DNAH2: variants seen among roughly 807,000 people sequenced by gnomAD.
DNAH2 encodes dynein axonemal heavy chain 2.
DNAH2 carries 323 observed loss-of-function variants against 523.5 expected under a neutral mutation model. The ratio of observed to expected loss-of-function variants is 0.62; its 90% CI spans 0.56 to 0.68. The LOEUF (loss-of-function observed/expected upper bound fraction) is 0.68. DNAH2 is among the 30% of genes least tolerant of loss of function. The probability of loss-of-function intolerance (pLI) is 0.00; values close to 1 mark genes in which losing one functional copy is unlikely to be tolerated. For missense variants in DNAH2, 4,907 were observed against 5,701.5 expected (o/e 0.86, Z 4.49); for synonymous variants, 2,093 against 2,177.4 (o/e 0.96, Z 1.08).
At chr17:7,830,200 C>T in intron 77 of DNAH2, 100 bp from the exon 78 acceptor site, 1 of 1,311,792 alleles carries the variant, frequency 7.6e-7, no homozygotes, top group Admixed American at 2.2e-5. Context: ...CAGCCAGTGC[C>T]TTTGTGCAAT....
At chr17:7,726,622 C>T (rs2074821122) in intron 3 of DNAH2, among the ~76,000 whole-genome samples, 1 of 152,048 alleles carries the variant, frequency 6.6e-6, no homozygotes, top group South Asian at 2.1e-4. Context: ...GTTTTTGTGT[C>T]TTTTTCCCTC....
In DNAH2 at chr17:7,780,354, T is replaced by G; in HGVS notation, c.5850+70T>G. 3 of 1,599,708 alleles carry G rather than the reference T, an allele frequency of 1.9e-6. No individual in the cohort carries two copies. Among genetic ancestry groups the G allele is most frequent in the Non-Finnish European group, 2.6e-6 (3 of 1,171,932 alleles). On this transcript the variant is annotated intron_variant, in intron 37 of 85. Transcript: ENST00000572933. The surrounding 1 kb of genome is among the most constrained non-coding windows in gnomAD (Gnocchi z 4.4). Reference sequence around the variant, plus strand: ...ATAATTATTCCCTGGACAGAGGAGCTCCCCAAGGGCCTCACAATCAGCTTA... The same window carrying G: ...ATAATTATTCCCTGGACAGAGGAGCGCCCCAAGGGCCTCACAATCAGCTTA...
At chr17:7,741,889 C>T (rs1319082422) in intron 11 of DNAH2, among the ~76,000 whole-genome samples, 2 of 145,942 alleles carry the variant, frequency 1.4e-5, no homozygotes, top group Non-Finnish European at 3.0e-5. Flanking sequence ...TCTCGAACTC[C>T]CGACCTCAGG....
intron 77 of DNAH2, among the ~76,000 whole-genome samples, chr17:7,829,552 C>A (rs932890665): frequency 5.3e-5 from 8 of 152,218 alleles, no homozygotes; most frequent in Admixed American, 4.6e-4. Context: ...ATGCCAATCA[C>A]ATAGACTGTT....
In DNAH2 at chr17:7,759,025, G is replaced by A; in HGVS notation, c.2349G>A (p.Glu783=). 1.4e-5 allele frequency: 23 copies of A among 1,614,174 alleles called. No homozygotes were observed. Among genetic ancestry groups the A allele is most frequent in the Non-Finnish European group, 1.9e-5 (23 of 1,180,030 alleles). The part of the protein sequence containing the change: ...RDLEFEEDQR[E]HRAAVQQKLM... ...TGGAATTTGAAGAGGACCAAAGAGA[G>A]CATCGGGCAGCTGTACAGCAGAAAT... is the stretch of plus-strand genomic sequence containing the variant. Residue 783 remains glutamate, a synonymous_variant, in exon 15 of 86, where the codon GAG becomes GAA. Coordinates refer to ENST00000572933, the MANE Select transcript of DNAH2 (RefSeq NM_020877.5).
intron 4 of DNAH2, among the ~76,000 whole-genome samples, chr17:7,731,473 A>AAT (rs1379464522): frequency 5.9e-5 from 9 of 152,084 alleles, no homozygotes; most frequent in Non-Finnish European, 7.4e-5. Context: ...CTTAAATTCA[A>AAT]GTAAAATTAA....
In DNAH2 at chr17:7,818,121, C is replaced by T. The variant is rs1329251557; in HGVS notation, c.10387+25C>T. ...GGTCAGGACAAGTCCCCAAGACCAG[C>T]CAAGTGGGATGCTAGGGAGGGAAGG... is the stretch of plus-strand genomic sequence containing the variant. On this transcript the variant is annotated intron_variant, in intron 68 of 85. Transcript: ENST00000572933. 4 of 1,608,702 alleles carry T rather than the reference C, an allele frequency of 2.5e-6. No individual in the cohort carries two copies. The Admixed American group carries it at 5.0e-5, about 20-fold the overall frequency.
Position 7,719,752 on chromosome 17 carries a change from G to A in DNAH2, c.18G>A (p.Glu6=). 1 of 1,614,230 alleles carries A rather than the reference G, an allele frequency of 6.2e-7. No homozygotes were observed. The highest frequency in any genetic ancestry group is 8.5e-7 in the Non-Finnish European group (1 of 1,180,044). The change falls in exon 2 of 86, where the codon GAG becomes GAA. Residue 6 remains glutamate (E), a synonymous_variant. Coordinates refer to ENST00000572933, the MANE Select transcript of DNAH2 (RefSeq NM_020877.5). MSSKA[E]KKQRLSGRGS... is the part of the protein sequence containing the mutation. ...CCTGCACGATGTCCAGCAAAGCTGA[G>A]AAGAAGCAGCGATTGAGTGGCCGAG...
Position 7,797,581 on chromosome 17 carries a change from G to A in DNAH2, c.8080+51G>A, listed in dbSNP as rs759331548. 2.5e-6 allele frequency: 4 copies of A among 1,614,008 alleles called. No individual in the cohort carries two copies. In the South Asian group the frequency reaches 4.4e-5, roughly 18 times the overall value. On this transcript the variant is annotated intron_variant, in intron 52 of 85. Coordinates refer to ENST00000572933, the MANE Select transcript of DNAH2 (RefSeq NM_020877.5). ...GGGCTTGACACTCTTAGAACATCGG[G>A]GCTAGAAGGAGTCAGGGCATGGGGT...
chr17:7,801,836 TC>T (rs2077232855), intron 57 of DNAH2, 41 bp from the exon 58 acceptor site: 4 of 1,613,436 alleles, frequency 2.5e-6, no homozygotes, highest in East Asian at 2.2e-5. Flanking sequence ...CTCTCCCACT[TC>T]CGTTTCCATC....
chr17:7,828,205 C>A lies in DNAH2; in HGVS notation c.11854-2095C>A, dbSNP rs1009972478. On this transcript the variant is annotated intron_variant, in intron 77 of 85. Coordinates refer to ENST00000572933, the MANE Select transcript of DNAH2 (RefSeq NM_020877.5). This position sits in a 1 kb window ranked among gnomAD's most constrained non-coding sequence, Gnocchi z 4.1. ...AACTGCTGGGATTACAGGTGTAACCCACAGTGCCATGCTGATATACTTTAG... is the reference window on the plus strand; with the variant it reads ...AACTGCTGGGATTACAGGTGTAACCAACAGTGCCATGCTGATATACTTTAG... 1.3e-5 allele frequency among the ~76,000 whole-genome samples: 2 copies of A among 152,260 alleles called. No individual in the cohort carries two copies. Among genetic ancestry groups the A allele is most frequent in the South Asian group, 2.1e-4 (1 of 4,834 alleles).
At chr17:7,736,149 A>G (rs907263906) in intron 7 of DNAH2, among the ~76,000 whole-genome samples, 3 of 152,174 alleles carry the variant, frequency 2.0e-5, no homozygotes, top group African/African-American at 4.8e-5. Flanking sequence ...TGTTGAGATT[A>G]TAGGTGTGAG....
chr17:7,756,082 A>G (rs2075827070), intron 12 of DNAH2, among the ~76,000 whole-genome samples: 1 of 151,708 alleles, frequency 6.6e-6, no homozygotes, highest in Non-Finnish European at 1.5e-5. Context: ...TCTACTAAAG[A>G]TACAAAAATT....
At chr17:7,746,921 A>C (rs949069632) in intron 12 of DNAH2, among the ~76,000 whole-genome samples, 7 of 150,760 alleles carry the variant, frequency 4.6e-5, no homozygotes, top group Non-Finnish European at 1.0e-4. Context: ...CGGGAGGCGG[A>C]GGTTGCAGTG....
rs1241843897 is a variant in DNAH2 at position 7,828,297 on chromosome 17, C to A, written c.11854-2003C>A. On this transcript the variant is annotated intron_variant, in intron 77 of 85. Transcript: ENST00000572933. The surrounding 1 kb of genome is among the most constrained non-coding windows in gnomAD (Gnocchi z 4.1). ...GTAAGGCACATCTTCTTACCTTATT[C>A]TTCTTCAGGCTATTCTTGACCTTTT... Among the ~76,000 whole-genome samples the A allele has an allele frequency of 6.6e-6, 1 of 152,066 alleles. No homozygotes were observed. The highest frequency in any genetic ancestry group is 6.5e-5 in the Admixed American group (1 of 15,272).
chr17:7,764,352 G>T, intron 20 of DNAH2, 79 bp downstream of exon 20: 1 of 1,518,168 alleles, frequency 6.6e-7, no homozygotes, highest in East Asian at 2.3e-5. Flanking sequence ...CTGTCCTCGG[G>T]GAGAGTAGAG....
chr17:7,721,539 TCACCTAC>T (rs2074607745), intron 2 of DNAH2, among the ~76,000 whole-genome samples: 1 of 71,370 alleles, frequency 1.4e-5, no homozygotes, highest in South Asian at 3.9e-4. Flanking sequence ...TTGGATCATC[TCACCTAC>T]TCACCTACTA....
intron 7 of DNAH2, among the ~76,000 whole-genome samples, chr17:7,736,353 G>C (rs1253376527): frequency 6.6e-6 from 1 of 152,172 alleles, no homozygotes; most frequent in Non-Finnish European, 1.5e-5. Flanking sequence ...CTAAAGCCCT[G>C]GCTGAGAACA....
Position 7,734,310 on chromosome 17 carries a change from G to C in DNAH2, c.739+17G>C. 1 of 1,606,322 alleles carries C rather than the reference G, an allele frequency of 6.2e-7. No individual in the cohort carries two copies. Among genetic ancestry groups the C allele is most frequent in the Non-Finnish European group, 8.5e-7 (1 of 1,176,042 alleles). ...GGCTAGAGAGTGAGTGGCTGGCACT[G>C]CTAGCATCACCTGGCGATCACAGGG... On this transcript the variant is annotated intron_variant, in intron 6 of 85. Coordinates refer to ENST00000572933, the MANE Select transcript of DNAH2 (RefSeq NM_020877.5).
Sources: allele counts gnomAD v4.1 joint callset (sites outside exome capture counted in the v4.1 genomes callset), GRCh38; gene constraint gnomAD v4.1.1; non-coding constraint Gnocchi (gnomAD v3.1); transcripts MANE v1.5; gene names NCBI Gene and HGNC (gene_info 2026-07-23, HGNC 2026-07-21).